Variants in LSAMP observed in about 807,000 individuals in gnomAD.
LSAMP encodes the protein limbic system associated membrane protein.
A neutral mutation model predicts 38.6 loss-of-function variants in LSAMP; 7 were observed. The observed-to-expected ratio is 0.18, with a 90% CI of 0.10 to 0.34. The LOEUF is 0.34. Among genes scored for constraint, LSAMP ranks in the 10% least tolerant of loss-of-function variants. LSAMP has a pLI of 1.00. For synonymous variants in LSAMP, 154 were observed against 166.8 expected (o/e 0.92, Z 0.59); for missense variants, 313 against 420.0 (o/e 0.75, Z 2.23).
Position 115,808,118 on chromosome 3 carries a change from C to G in LSAMP, c.*2199G>C, listed in dbSNP as rs1229004751. On this transcript the variant is annotated 3_prime_UTR_variant, in exon 7 of 7. Coordinates refer to ENST00000490035, the MANE Select transcript of LSAMP (RefSeq NM_002338.5). ...CCTTCCTTCCTTCCTTCCTCCCTCCCTCCCTCCCTCCCTCCCTCCCTCCCT... is the reference window on the plus strand; with the variant it reads ...CCTTCCTTCCTTCCTTCCTCCCTCCGTCCCTCCCTCCCTCCCTCCCTCCCT... The G allele has an allele frequency of 8.9e-5, 6 of 67,136 alleles. No homozygotes were observed. Among genetic ancestry groups the G allele is most frequent in the Non-Finnish European group, 1.8e-4 (6 of 32,700 alleles). The allele number at this position is 67,136 out of a possible 1,614,324, so 4.2% of individuals were successfully genotyped here. A position where few individuals can be genotyped will look rare whatever the true frequency, so the allele number is the denominator to read the frequency against.
In LSAMP at chr3:115,803,561, A is replaced by G. The variant is rs1041694324; in HGVS notation, c.*6756T>C. On this transcript the variant is annotated 3_prime_UTR_variant, in exon 7 of 7. Transcript: ENST00000490035. ...ACTTTCACATTTGATTTTGGCCTTCACAACAATTCATACTGTCTTCAACTC... is the reference window on the plus strand; with the variant it reads ...ACTTTCACATTTGATTTTGGCCTTCGCAACAATTCATACTGTCTTCAACTC... 15 of 152,214 alleles carry G rather than the reference A, an allele frequency of 9.9e-5. No homozygotes were observed. Among genetic ancestry groups the G allele is most frequent in the Non-Finnish European group, 1.5e-5 (1 of 68,038 alleles). The allele number at this position is 152,214 out of a possible 1,614,324, so 9.4% of individuals were successfully genotyped here. A position where few individuals can be genotyped will look rare whatever the true frequency, so the allele number is the denominator to read the frequency against.
intron 3 of LSAMP, among the ~76,000 whole-genome samples, chr3:115,881,143 T>C (rs149653379): frequency 6.8e-4 from 103 of 152,272 alleles, no homozygotes; most frequent in African/African-American, 2.4e-3. Flanking sequence ...GTTATTAATA[T>C]CATACTTCAA....
chr3:115,828,929 A>G (rs113178192), intron 6 of LSAMP, among the ~76,000 whole-genome samples: 62 of 152,342 alleles, frequency 4.1e-4, no homozygotes, highest in African/African-American at 1.3e-3. Context: ...TGGTGCAGGC[A>G]GATCCAGATT....
intron 1 of LSAMP, chr3:116,367,801 G>A (rs1363737194): frequency 1.3e-5 from 2 of 151,904 alleles, no homozygotes; most frequent in Admixed American, 1.3e-4. Flanking sequence ...GAGCCACCAT[G>A]CCTGGCCGGT....
intron 3 of LSAMP, among the ~76,000 whole-genome samples, chr3:115,856,843 G>A (rs1178389312): frequency 2.0e-5 from 3 of 152,124 alleles, no homozygotes; most frequent in African/African-American, 7.2e-5. Context: ...TTTTGTTATA[G>A]TAACCTGAAT....
In LSAMP at chr3:116,273,011, T is replaced by C. The variant is rs574257967; in HGVS notation, c.155+171866A>G. On this transcript the variant is annotated intron_variant, in intron 1 of 6. Coordinates refer to ENST00000490035, the MANE Select transcript of LSAMP (RefSeq NM_002338.5). ...GATTTCCTGAGTCCTTCTGGTGTTA[T>C]TAAGTGTTGTCATTCATTCTTTGAA... Among the ~76,000 whole-genome samples, 3 of 152,312 alleles carry C rather than the reference T, an allele frequency of 2.0e-5. No individual in the cohort carries two copies. The East Asian group carries it at 5.8e-4, about 29-fold the overall frequency.
At position 116,236,526 on chromosome 3, in the gene LSAMP, A is replaced by G. The variant is rs946893379; in HGVS notation, c.156-149970T>C. Among the ~76,000 whole-genome samples the G allele has an allele frequency of 2.0e-5, 3 of 152,216 alleles. No homozygotes were observed. The East Asian group carries it at 5.8e-4, about 29-fold the overall frequency. ...CACTATTGGTGCCCACTTTGATTTC[A>G]CTTCTGAAATACTAAACCACATAAC... On this transcript the variant is annotated intron_variant, in intron 1 of 6. Coordinates refer to ENST00000490035, the MANE Select transcript of LSAMP (RefSeq NM_002338.5).
At chr3:116,406,116 C>T (rs963718396) in intron 1 of LSAMP, among the ~76,000 whole-genome samples, 4 of 151,998 alleles carry the variant, frequency 2.6e-5, no homozygotes, top group African/African-American at 9.6e-5. Context: ...TGTACATCTG[C>T]CAAAAAAATT....
intron 3 of LSAMP, among the ~76,000 whole-genome samples, chr3:115,898,152 G>T (rs562533777): frequency 6.6e-6 from 1 of 152,194 alleles, no homozygotes; most frequent in South Asian, 2.1e-4. Flanking sequence ...AGGGTTTAGT[G>T]TTTCCCCAAA....
Position 115,928,973 on chromosome 3 carries a change from G to GTTTTTTTTTTTTTTT in LSAMP, c.515-76371_515-76357dup, listed in dbSNP as rs67711628. ...GGCTTATCATGCAGGTTTTTTGTTT[G>GTTTTTTTTTTTTTTT]TTTTTTTTTTTTTTTTTGCTTGTTT... On this transcript the variant is annotated intron_variant, in intron 3 of 6. Transcript: ENST00000490035. Among the ~76,000 whole-genome samples the GTTTTTTTTTTTTTTT allele has an allele frequency of 5.4e-3, 598 of 109,750 alleles. 3 individuals carry two copies. The highest frequency in any genetic ancestry group is 8.7e-3 in the African/African-American group (243 of 28,006). The allele number at this position is 109,750 out of a possible 152,430, so 72.0% of individuals were successfully genotyped here.
At position 115,843,089 on chromosome 3, in the gene LSAMP, GAAAC is replaced by G. The variant is rs372729988; in HGVS notation, c.650-515_650-512del. 2.0e-3 allele frequency among the ~76,000 whole-genome samples: 306 copies of G among 152,278 alleles called. 4 individuals carry two copies. The highest frequency in any genetic ancestry group is 6.7e-3 in the African/African-American group (278 of 41,554). On this transcript the variant is annotated intron_variant, in intron 4 of 6. Coordinates refer to ENST00000490035, the MANE Select transcript of LSAMP (RefSeq NM_002338.5). ...TGGTCTGATATTGTTGCAGGATTCAGAAACAAACAAACAAACAAAACTAGGATTA... is the reference window on the plus strand; with the variant it reads ...TGGTCTGATATTGTTGCAGGATTCAGAAACAAACAAACAAAACTAGGATTA...
At position 116,362,855 on chromosome 3, in the gene LSAMP, A is replaced by C. The variant is rs1184676324; in HGVS notation, c.155+82022T>G. 5.9e-3 allele frequency among the ~76,000 whole-genome samples: 132 copies of C among 22,512 alleles called. 9 individuals are homozygous for C. The highest frequency in any genetic ancestry group is 0.055 in the African/African-American group (126 of 2,302). 14.8% of individuals were successfully genotyped at this position (22,512 alleles called of 152,430 possible). A position where few individuals can be genotyped will look rare whatever the true frequency, so the allele number is the denominator to read the frequency against. ...ATACCAGAATCTCTGGGACGCATTC[A>C]AAGCAGTGTGTAGAGGGAAATTTAT... On this transcript the variant is annotated intron_variant, in intron 1 of 6. Coordinates refer to ENST00000490035, the MANE Select transcript of LSAMP (RefSeq NM_002338.5).
intron 1 of LSAMP, among the ~76,000 whole-genome samples, chr3:116,109,284 T>G (rs1708542778): frequency 6.6e-6 from 1 of 151,568 alleles, no homozygotes; most frequent in South Asian, 2.1e-4. Flanking sequence ...GGACCAGGTG[T>G]GAGGAGGGGA....
intron 3 of LSAMP, among the ~76,000 whole-genome samples, chr3:115,949,352 C>A (rs1938206119): frequency 6.6e-6 from 1 of 151,910 alleles, no homozygotes; most frequent in Non-Finnish European, 1.5e-5. Context: ...GTTAATCTCA[C>A]TAATGGTCTA....
chr3:116,198,597 G>T (rs2045942455), intron 1 of LSAMP, among the ~76,000 whole-genome samples: 1 of 151,282 alleles, frequency 6.6e-6, no homozygotes, highest in South Asian at 2.1e-4. Context: ...GTGAAACCCC[G>T]TCTCTACTAA....
intron 2 of LSAMP, among the ~76,000 whole-genome samples, chr3:116,055,235 GTGGTTACTGCA>G (rs1476695162): frequency 2.6e-5 from 4 of 152,148 alleles, no homozygotes; most frequent in Non-Finnish European, 5.9e-5. Context: ...AAAACTGATG[GTGGTTACTGCA>G]TGGTTACTGA....
intron 2 of LSAMP, among the ~76,000 whole-genome samples, chr3:116,039,058 A>G (rs1444754837): frequency 6.6e-6 from 1 of 152,190 alleles, no homozygotes; most frequent in Non-Finnish European, 1.5e-5. Flanking sequence ...ATTTAAATGT[A>G]TAGAGGTGTC....
chr3:116,281,199 A>C (rs1212915728), intron 1 of LSAMP, among the ~76,000 whole-genome samples: 1 of 152,144 alleles, frequency 6.6e-6, no homozygotes, highest in East Asian at 1.9e-4. Context: ...GTGTTTGAAG[A>C]GGGGAAAAGA....
chr3:116,269,523 A>C (rs116075618), intron 1 of LSAMP, among the ~76,000 whole-genome samples: 2,395 of 152,160 alleles, frequency 0.016, 68 homozygotes, highest in African/African-American at 0.055. Context: ...ACCTAATGGC[A>C]CTGCTGTGAG....
Sources: allele counts gnomAD v4.1 joint callset (sites outside exome capture counted in the v4.1 genomes callset), GRCh38; gene constraint gnomAD v4.1.1; transcripts MANE v1.5; gene names NCBI Gene and HGNC (gene_info 2026-07-23, HGNC 2026-07-21).